Variants in MAPK10 observed in about 807,000 individuals in gnomAD.
MAPK10 encodes mitogen-activated protein kinase 10.
In MAPK10, 25 loss-of-function variants were observed where a neutral mutation model predicts 59.3. The ratio of observed to expected loss-of-function variants is 0.42; its 90% CI spans 0.31 to 0.59. The LOEUF (loss-of-function observed/expected upper bound fraction) is 0.59, where lower values mean the gene tolerates loss of function less well. MAPK10 is among the 20% of genes least tolerant of loss of function. The pLI, the probability that MAPK10 is intolerant of heterozygous loss-of-function variation, is 0.15. For missense variants in MAPK10, 351 were observed against 568.9 expected, an observed-to-expected ratio of 0.62 and a Z score of 3.90; for synonymous variants, 190 against 200.5, an observed-to-expected ratio of 0.95 and a Z score of 0.44.
chr4:86,218,408 G>A (rs1320393798), intron 2 of MAPK10, among the ~76,000 whole-genome samples: 2 of 151,932 alleles, frequency 1.3e-5, no homozygotes, highest in Admixed American at 6.6e-5. Flanking sequence ...TGATCCGCAC[G>A]CCTTGGCCTC....
Position 86,553,788 on chromosome 4 carries a change from T to C in MAPK10, c.-263+40122A>G, listed in dbSNP as rs566545454. Among the ~76,000 whole-genome samples, 6 of 152,318 alleles carry C rather than the reference T, an allele frequency of 3.9e-5. No homozygotes were observed. In the South Asian group the frequency reaches 1.2e-3, roughly 32 times the overall value. On this transcript the variant is annotated intron_variant, in intron 1 of 4. Coordinates refer to the MAPK10 transcript ENST00000502302. ...TTGGGGTAGTGATGTGATGTTAACA[T>C]GACCTTGTTTTCCAGGATGTCATCT...
At chr4:86,251,908 G>C (rs1231832294) in intron 2 of MAPK10, among the ~76,000 whole-genome samples, 1 of 126,956 alleles carries the variant, frequency 7.9e-6, no homozygotes, top group East Asian at 2.1e-4. Flanking sequence ...GTTTTGATTT[G>C]CATTTCTCTG....
chr4:86,315,254 G>A (rs1051679288), intron 2 of MAPK10, among the ~76,000 whole-genome samples: 1 of 152,020 alleles, frequency 6.6e-6, no homozygotes, highest in South Asian at 2.1e-4. Context: ...GAAGATTAGT[G>A]GGGGATGCGG....
At chr4:86,024,020 A>C (rs1451260934) in intron 13 of MAPK10, 1 of 151,824 alleles carries the variant, frequency 6.6e-6, no homozygotes, top group Non-Finnish European at 1.5e-5. Context: ...ATACAAACCA[A>C]AAAGTATTTT....
intron 2 of MAPK10, among the ~76,000 whole-genome samples, chr4:86,292,171 A>G (rs1308025584): frequency 2.6e-5 from 4 of 152,224 alleles, no homozygotes; most frequent in Non-Finnish European, 5.9e-5. Flanking sequence ...TAAAAATAGT[A>G]TCTGGTATTC....
intron 4 of MAPK10, among the ~76,000 whole-genome samples, chr4:86,111,484 C>T (rs771638624): frequency 6.6e-6 from 1 of 152,130 alleles, no homozygotes; most frequent in Non-Finnish European, 1.5e-5. Flanking sequence ...TTGAAATAAT[C>T]ATGTGTTTTT....
intron 2 of MAPK10, among the ~76,000 whole-genome samples, chr4:86,332,078 A>C (rs756776976): frequency 6.6e-6 from 1 of 152,206 alleles, no homozygotes; most frequent in Non-Finnish European, 1.5e-5. Flanking sequence ...GCATTTAGCC[A>C]TAATAGCAAA....
intron 4 of MAPK10, among the ~76,000 whole-genome samples, chr4:86,147,767 T>C (rs912924444): frequency 1.3e-5 from 2 of 152,168 alleles, no homozygotes; most frequent in Non-Finnish European, 2.9e-5. Flanking sequence ...ATTTGAAAAA[T>C]CAATTTTCAT....
chr4:86,558,074 T>A (rs1419184651), intron 1 of MAPK10, among the ~76,000 whole-genome samples: 1 of 152,244 alleles, frequency 6.6e-6, no homozygotes, highest in Non-Finnish European at 1.5e-5. Flanking sequence ...TACTAATACA[T>A]ACAGAGGTGA....
chr4:86,291,586 T>C (rs1052025876), intron 2 of MAPK10, among the ~76,000 whole-genome samples: 3 of 152,070 alleles, frequency 2.0e-5, no homozygotes, highest in African/African-American at 7.3e-5. Context: ...AAATGAGACA[T>C]GGCAGTAAAA....
At chr4:86,456,580 A>G (rs1751247820), upstream of MAPK10, among the ~76,000 whole-genome samples, 1 of 152,202 alleles carries the variant, frequency 6.6e-6, no homozygotes, top group Admixed American at 6.5e-5. Flanking sequence ...ATTCCTAGAA[A>G]AAAACAACCC....
Position 86,496,534 on chromosome 4 carries a change from G to A in MAPK10, c.-263+97376C>T, listed in dbSNP as rs754870939. ...CCTATACAAAGTACATGATACAACA[G>A]GTACCCCTGAAGTCCTCCTTCACCC... On this transcript the variant is annotated intron_variant, in intron 1 of 4. Coordinates refer to the MAPK10 transcript ENST00000502302. Among the ~76,000 whole-genome samples the A allele has an allele frequency of 1.7e-4, 26 of 152,194 alleles. No individual in the cohort carries two copies. In the Middle Eastern group the frequency reaches 0.014, roughly 80 times the overall value.
chr4:86,475,253 G>A (rs897705096), intron 1 of MAPK10, among the ~76,000 whole-genome samples: 2 of 152,074 alleles, frequency 1.3e-5, no homozygotes, highest in Non-Finnish European at 2.9e-5. Flanking sequence ...CTCGGATCAG[G>A]GGACCTTCCT....
chr4:86,212,047 C>CT (rs2085968143), intron 2 of MAPK10, among the ~76,000 whole-genome samples: 1 of 152,034 alleles, frequency 6.6e-6, no homozygotes. Context: ...CAAAAAAGCT[C>CT]TGAGTCATAC....
intron 1 of MAPK10, among the ~76,000 whole-genome samples, chr4:86,563,880 G>A (rs1002022430): frequency 1.3e-5 from 2 of 152,112 alleles, no homozygotes; most frequent in Admixed American, 1.3e-4. Context: ...CACCCAGGCT[G>A]GAGTACAGTG....
chr4:86,062,486 C>G (rs1212182144), intron 11 of MAPK10, among the ~76,000 whole-genome samples: 1 of 152,112 alleles, frequency 6.6e-6, no homozygotes, highest in Non-Finnish European at 1.5e-5. Flanking sequence ...AAGCAACTAT[C>G]TCTTTTATAG....
At chr4:86,161,894 GTCAA>G (rs1358130705) in intron 3 of MAPK10, among the ~76,000 whole-genome samples, 1 of 152,020 alleles carries the variant, frequency 6.6e-6, no homozygotes, top group Non-Finnish European at 1.5e-5. Flanking sequence ...TATGGTCTCA[GTCAA>G]TATATCATAG....
chr4:86,164,568 GAA>G (rs1430406697), intron 3 of MAPK10: 2 of 151,886 alleles, frequency 1.3e-5, no homozygotes, highest in Non-Finnish European at 2.9e-5. Context: ...TAATAAACCT[GAA>G]ATCAAAAAAC....
intron 3 of MAPK10, among the ~76,000 whole-genome samples, chr4:86,165,414 G>A (rs368336855): frequency 6.6e-6 from 1 of 152,130 alleles, no homozygotes; most frequent in East Asian, 1.9e-4. Flanking sequence ...GTCTCGCTCT[G>A]TCATCCAGCC....
Sources: gnomAD v4.1 joint callset for allele counts (sites outside exome capture counted in the v4.1 genomes callset) on GRCh38, gnomAD v4.1.1 for gene constraint, MANE v1.5 for transcripts, NCBI Gene and HGNC (gene_info 2026-07-23, HGNC 2026-07-21) for gene names.